Variants in TDRD3 observed in about 807,000 individuals in gnomAD.
The protein encoded by TDRD3 is tudor domain containing 3.
TDRD3 carries 45 observed loss-of-function variants against 86.7 expected under a neutral mutation model. That is an observed-to-expected ratio of 0.52 (90% confidence interval 0.41 to 0.67). TDRD3 has a LOEUF of 0.67. TDRD3 is among the 30% of genes least tolerant of loss of function. The pLI is 0.00. For missense variants in TDRD3, 814 were observed against 889.0 expected (o/e 0.92, Z 1.07); for synonymous variants, 298 against 301.7 (o/e 0.99, Z 0.13).
intron 4 of TDRD3, among the ~76,000 whole-genome samples, chr13:60,462,016 A>T (rs529291106): frequency 2.0e-5 from 3 of 152,174 alleles, no homozygotes; most frequent in African/African-American, 7.2e-5. Flanking sequence ...TTCTTCTTTC[A>T]TCTGGTGTCT....
intron 8 of TDRD3, among the ~76,000 whole-genome samples, chr13:60,497,168 G>A (rs905580675): frequency 2.6e-5 from 4 of 152,118 alleles, no homozygotes; most frequent in African/African-American, 7.2e-5. Flanking sequence ...CTGGGACGGC[G>A]GTGAACAGCA....
chr13:60,539,386 A>G (rs1305895241), intron 12 of TDRD3, among the ~76,000 whole-genome samples: 5 of 152,060 alleles, frequency 3.3e-5, no homozygotes, highest in Non-Finnish European at 4.4e-5. Context: ...ACAAAATATG[A>G]GTAGAGAAAA....
intron 4 of TDRD3, among the ~76,000 whole-genome samples, chr13:60,464,962 A>G (rs1053887651): frequency 6.6e-6 from 1 of 152,210 alleles, no homozygotes; most frequent in Admixed American, 6.5e-5. Context: ...TCTCGCAAAG[A>G]AAAGATAAAT....
At chr13:60,473,865 A>G (rs1956125613) in intron 5 of TDRD3, among the ~76,000 whole-genome samples, 1 of 152,166 alleles carries the variant, frequency 6.6e-6, no homozygotes, top group Non-Finnish European at 1.5e-5. Flanking sequence ...ACCTTGGCCT[A>G]GCGGTAGCGT....
In TDRD3 at chr13:60,439,724, C is replaced by A; in HGVS notation, c.78C>A (p.Ser26Arg). 1 of 1,545,856 alleles carries A rather than the reference C, an allele frequency of 6.5e-7. No individual in the cohort carries two copies. Among genetic ancestry groups the A allele is most frequent in the Non-Finnish European group, 8.7e-7 (1 of 1,145,126 alleles). ...ATGAAGGCATTGAAGCTTGCACAAG[C>A]TCTCCAGACAAAGTCAATGTAAATG... ...LSDEGIEACT[S>R]SPDKVNVNDI... The change falls in exon 2 of 14, where the codon AGC becomes AGA. Residue 26 changes from serine (S) to arginine (R), a missense_variant. Ser to Arg is a moderately radical substitution (Grantham distance 110). Transcript: ENST00000377881.
At chr13:60,555,848 C>CTTTTTTTTTTTT (rs770710929) in intron 12 of TDRD3, among the ~76,000 whole-genome samples, 1 of 136,138 alleles carries the variant, frequency 7.3e-6, no homozygotes, top group Non-Finnish European at 1.6e-5. Flanking sequence ...CAACCTATTT[C>CTTTTTTTTTTTT]TTTCTTTTTT....
intron 11 of TDRD3, among the ~76,000 whole-genome samples, chr13:60,529,458 C>A (rs1409562332): frequency 6.6e-6 from 1 of 152,072 alleles, no homozygotes; most frequent in African/African-American, 2.4e-5. Context: ...AGCTTACATG[C>A]CAGAAAAGTA....
chr13:60,549,715 TA>T (rs1958005963), intron 12 of TDRD3, among the ~76,000 whole-genome samples: 1 of 152,140 alleles, frequency 6.6e-6, no homozygotes, highest in South Asian at 2.1e-4. Flanking sequence ...TAATTTTGTT[TA>T]AACTTTTGTT....
At chr13:60,450,181 TAG>T (rs1164564175) in intron 3 of TDRD3, among the ~76,000 whole-genome samples, 6 of 152,300 alleles carry the variant, frequency 3.9e-5, no homozygotes, top group Admixed American at 2.0e-4. Context: ...TTTTTGTTGC[TAG>T]AGCACCTGAG....
At chr13:60,440,778 A>C (rs193051999) in intron 2 of TDRD3, among the ~76,000 whole-genome samples, 243 of 152,344 alleles carry the variant, frequency 1.6e-3, no homozygotes, top group South Asian at 2.3e-3. Flanking sequence ...TAAACAATCA[A>C]ATGTATGTAC....
intron 1 of TDRD3, among the ~76,000 whole-genome samples, chr13:60,398,665 C>A (rs947244343): frequency 2.6e-5 from 4 of 152,242 alleles, no homozygotes; most frequent in Non-Finnish European, 5.9e-5. Flanking sequence ...TGTTAAGTAA[C>A]TTTCCCAAAA....
chr13:60,518,526 A>G (rs1957219807), intron 10 of TDRD3, among the ~76,000 whole-genome samples: 1 of 152,238 alleles, frequency 6.6e-6, no homozygotes, highest in Non-Finnish European at 1.5e-5. Context: ...GATTTAAAAA[A>G]AAACTGGTGA....
intron 5 of TDRD3, among the ~76,000 whole-genome samples, chr13:60,468,212 A>G (rs9538717): frequency 0.45 from 68,232 of 151,960 alleles, 15,787 homozygotes; most frequent in South Asian, 0.54. Context: ...ATTCTTCCAC[A>G]TAGATCTTGT....
chr13:60,517,809 A>G (rs534654941), intron 10 of TDRD3, among the ~76,000 whole-genome samples: 38 of 152,338 alleles, frequency 2.5e-4, no homozygotes, highest in Non-Finnish European at 5.1e-4. Flanking sequence ...GCCACTTAGT[A>G]TCTAGTCAAC....
chr13:60,539,085 A>G (rs1957758414), intron 12 of TDRD3, among the ~76,000 whole-genome samples: 1 of 152,196 alleles, frequency 6.6e-6, no homozygotes, highest in Admixed American at 6.5e-5. Context: ...CATACAATAC[A>G]CATCATCTTG....
intron 12 of TDRD3, among the ~76,000 whole-genome samples, chr13:60,559,880 C>A (rs1452430331): frequency 6.6e-6 from 1 of 151,774 alleles, no homozygotes; most frequent in East Asian, 1.9e-4. Flanking sequence ...CAAGGTAGAT[C>A]TTGTGTTCTT....
At chr13:60,502,612 G>T (rs1171675912) in intron 8 of TDRD3, among the ~76,000 whole-genome samples, 3 of 152,120 alleles carry the variant, frequency 2.0e-5, no homozygotes. Flanking sequence ...TCAGCCATGG[G>T]TTTGTATCTT....
chr13:60,398,705 T>C (rs1436043475), intron 1 of TDRD3, among the ~76,000 whole-genome samples: 1 of 152,244 alleles, frequency 6.6e-6, no homozygotes, highest in Admixed American at 6.5e-5. Context: ...TGGAGTTGAA[T>C]GTTGAGCACA....
intron 5 of TDRD3, among the ~76,000 whole-genome samples, chr13:60,475,545 G>A (rs1209617885): frequency 6.6e-6 from 1 of 152,142 alleles, no homozygotes; most frequent in East Asian, 1.9e-4. Context: ...GAAGAGTGCT[G>A]CAATGAACAA....
Sources: allele counts gnomAD v4.1 joint callset (sites outside exome capture counted in the v4.1 genomes callset), GRCh38; gene constraint gnomAD v4.1.1; transcripts MANE v1.5; gene names NCBI Gene and HGNC (gene_info 2026-07-23, HGNC 2026-07-21).